Variants in KLRF1 observed in about 807,000 individuals in gnomAD.
KLRF1 encodes killer cell lectin like receptor F1, also known as killer cell lectin-like receptor subfamily F member 1.
In KLRF1, 27 loss-of-function variants were observed where a neutral mutation model predicts 30.7. The ratio of observed to expected loss-of-function variants is 0.88; its 90% confidence interval spans 0.65 to 1.21. The LOEUF (loss-of-function observed/expected upper bound fraction) is 1.21. Ranked by LOEUF, KLRF1 falls within the 50% of genes most tolerant of loss-of-function variation. The probability of loss-of-function intolerance (pLI) is 0.00; values close to 1 mark genes in which losing one functional copy is unlikely to be tolerated. For synonymous variants in KLRF1, 92 were observed against 89.3 expected, an observed-to-expected ratio of 1.03 and a Z score of -0.17; for missense variants, 246 against 259.3, an observed-to-expected ratio of 0.95 and a Z score of 0.35.
chr12:9,804,085 A>T, the KLRF1 span, among the ~76,000 whole-genome samples: 19 of 151,996 alleles, frequency 1.3e-4, 1 homozygote, highest in Non-Finnish European at 2.9e-5. Flanking sequence ...CTCCATCCTT[A>T]TCAATACTTG....
intron 2 of KLRF1, 89 bp from the exon 3 acceptor site, chr12:9,833,214 C>A: frequency 2.3e-6 from 2 of 862,980 alleles, no homozygotes; most frequent in Non-Finnish European, 3.3e-6. Context: ...TTTCTTGTTC[C>A]AATCATCGGA....
intron 1 of KLRF1, among the ~76,000 whole-genome samples, chr12:9,830,619 T>G (rs1442303481): frequency 6.6e-6 from 1 of 151,786 alleles, no homozygotes; most frequent in Non-Finnish European, 1.5e-5. Flanking sequence ...ATCAATTTCA[T>G]TTTTTACATC....
chr12:9,831,251 TGTG>T (rs982834803), intron 1 of KLRF1, among the ~76,000 whole-genome samples: 1 of 152,218 alleles, frequency 6.6e-6, no homozygotes, highest in South Asian at 2.1e-4. Flanking sequence ...ATCTCAGAAA[TGTG>T]GAGTATTCAT....
At position 9,841,845 on chromosome 12, in the gene KLRF1, G is replaced by T. The variant is rs1192858263; in HGVS notation, c.368G>T (p.Gly123Val). The change falls in exon 4 of 6, where the codon GGG (glycine) becomes GTG (valine). Residue 123 changes from glycine to valine, a missense_variant. Physicochemically the swap from Gly to Val is moderately radical, Grantham distance 109. Coordinates refer to ENST00000617889, the MANE Select transcript of KLRF1 (RefSeq NM_016523.3). ...CAATCAGAATGGCTCAAATACCAAGGGAAGTGTTATTGGTTCTCTAATGAG... is the reference window on the plus strand; with the variant it reads ...CAATCAGAATGGCTCAAATACCAAGTGAAGTGTTATTGGTTCTCTAATGAG... ...LCQSEWLKYQ[G>V]KCYWFSNEMK... The T allele has an allele frequency of 3.7e-6, 6 of 1,608,264 alleles. No homozygotes were observed. The highest frequency in any genetic ancestry group is 5.1e-6 in the Non-Finnish European group (6 of 1,175,508).
chr12:9,827,457 C>A, upstream of KLRF1: 1 of 649,614 alleles, frequency 1.5e-6, no homozygotes, highest in Non-Finnish European at 2.6e-6. Context: ...CTCTGATTAG[C>A]AGCAGATTTA....
chr12:9,838,761 GA>G (rs1465918715), intron 3 of KLRF1, among the ~76,000 whole-genome samples: 2 of 152,124 alleles, frequency 1.3e-5, no homozygotes, highest in Non-Finnish European at 2.9e-5. Context: ...AGGGAGTTAA[GA>G]AAAATTATTC....
chr12:9,821,128 C>T, the KLRF1 span, among the ~76,000 whole-genome samples: 1 of 152,050 alleles, frequency 6.6e-6, no homozygotes, highest in Non-Finnish European at 1.5e-5. Flanking sequence ...CTCAAGCTTA[C>T]AGCATGCCAC....
At chr12:9,815,880 G>A in the KLRF1 span, among the ~76,000 whole-genome samples, 1 of 152,134 alleles carries the variant, frequency 6.6e-6, no homozygotes, top group Admixed American at 6.5e-5. Context: ...GTGCAATGGC[G>A]TGATCTCAGC....
At chr12:9,833,912 T>TTTTTTTTTTTTC (rs1555120703) in intron 3 of KLRF1, among the ~76,000 whole-genome samples, 4 of 147,614 alleles carry the variant, frequency 2.7e-5, no homozygotes, top group African/African-American at 1.0e-4. Context: ...TTTTTTTTTT[T>TTTTTTTTTTTTC]TTTTTTTTTT....
At chr12:9,838,550 G>A (rs1867635810) in intron 3 of KLRF1, among the ~76,000 whole-genome samples, 1 of 152,134 alleles carries the variant, frequency 6.6e-6, no homozygotes, top group Admixed American at 6.6e-5. Context: ...GCACCACGTA[G>A]TGGAAAACAG....
intron 3 of KLRF1, among the ~76,000 whole-genome samples, chr12:9,841,407 C>T (rs1867698285): frequency 6.6e-6 from 1 of 152,006 alleles, no homozygotes; most frequent in African/African-American, 2.4e-5. Context: ...ATCAAACCCC[C>T]ATGACACAAA....
chr12:9,803,165 C>T, the KLRF1 span, among the ~76,000 whole-genome samples: 1 of 152,096 alleles, frequency 6.6e-6, no homozygotes, highest in African/African-American at 2.4e-5. Context: ...CACACATCTA[C>T]AACCATTTGA....
At chr12:9,837,906 A>G (rs755996458) in intron 3 of KLRF1, among the ~76,000 whole-genome samples, 1 of 152,304 alleles carries the variant, frequency 6.6e-6, no homozygotes, top group Non-Finnish European at 1.5e-5. Flanking sequence ...ACTGATAGCA[A>G]GGCCACCTCT....
intron 5 of KLRF1, 126 bp downstream of exon 5, chr12:9,842,559 T>G: frequency 2.6e-6 from 2 of 775,918 alleles, no homozygotes; most frequent in Non-Finnish European, 3.9e-6. Flanking sequence ...AAAATTAATT[T>G]AGTATTTACA....
intron 1 of KLRF1, among the ~76,000 whole-genome samples, chr12:9,830,324 T>G (rs1227752733): frequency 2.0e-5 from 3 of 152,134 alleles, no homozygotes; most frequent in Admixed American, 6.5e-5. Context: ...AATTGATTCT[T>G]TTATTTTACC....
At chr12:9,830,055 C>T (rs1287700097) in intron 1 of KLRF1, among the ~76,000 whole-genome samples, 4 of 152,134 alleles carry the variant, frequency 2.6e-5, no homozygotes, top group African/African-American at 9.7e-5. Flanking sequence ...TTTTCTTATC[C>T]AAGCACATGA....
intron 3 of KLRF1, among the ~76,000 whole-genome samples, chr12:9,840,592 AAATT>A (rs1226324772): frequency 6.6e-6 from 1 of 152,098 alleles, no homozygotes; most frequent in African/African-American, 2.4e-5. Flanking sequence ...AGTTGAAAAT[AAATT>A]GTTATTCTTG....
intron 1 of KLRF1, among the ~76,000 whole-genome samples, chr12:9,831,393 C>T (rs550104793): frequency 2.0e-5 from 3 of 152,118 alleles, no homozygotes; most frequent in Admixed American, 6.5e-5. Context: ...GGCTTGACAG[C>T]GTCAAATGTA....
intron 1 of KLRF1, among the ~76,000 whole-genome samples, chr12:9,829,642 C>T (rs932298292): frequency 1.1e-4 from 16 of 152,160 alleles, no homozygotes; most frequent in Non-Finnish European, 1.6e-4. Flanking sequence ...TGCCTGTAGT[C>T]CTAGCTACAC....
Sources: gnomAD v4.1 joint callset for allele counts (sites outside exome capture counted in the v4.1 genomes callset) on GRCh38, gnomAD v4.1.1 for gene constraint, MANE v1.5 for transcripts, NCBI Gene and HGNC (gene_info 2026-07-23, HGNC 2026-07-21) for gene names.